SIN3A: variants seen among roughly 807,000 people sequenced by gnomAD.
SIN3A encodes paired amphipathic helix protein Sin3a.
A neutral mutation model predicts 146.1 loss-of-function variants in SIN3A; 14 were observed. That is an observed-to-expected ratio of 0.10 (90% CI 0.06 to 0.15). The LOEUF is 0.15. Among genes scored for constraint, SIN3A ranks in the 10% least tolerant of loss-of-function variants. The probability of loss-of-function intolerance (pLI) is 1.00; values close to 1 mark genes in which losing one functional copy is unlikely to be tolerated. For missense variants in SIN3A, 1,028 were observed against 1,576.0 expected, an observed-to-expected ratio of 0.65 and a Z score of 5.89; for synonymous variants, 572 against 572.0, an observed-to-expected ratio of 1.00 and a Z score of 0.00.
At chr15:75,393,058 C>T (rs1388254047) in intron 14 of SIN3A, among the ~76,000 whole-genome samples, 2 of 152,074 alleles carry the variant, frequency 1.3e-5, no homozygotes, top group African/African-American at 4.8e-5. Flanking sequence ...GGTGAAACCC[C>T]GCCTCTACTA....
At chr15:75,386,415 A>T (rs2073080711) in intron 16 of SIN3A, among the ~76,000 whole-genome samples, 1 of 152,208 alleles carries the variant, frequency 6.6e-6, no homozygotes, top group Non-Finnish European at 1.5e-5. Flanking sequence ...AGTCTTCAGA[A>T]AAGACAGCAC....
intron 19 of SIN3A, 59 bp from the exon 20 acceptor site, chr15:75,375,931 C>T: frequency 6.5e-7 from 1 of 1,547,562 alleles, no homozygotes; most frequent in East Asian, 2.2e-5. Flanking sequence ...CCCGTGACTT[C>T]CCCAAAGTGA....
intron 12 of SIN3A, among the ~76,000 whole-genome samples, 154 bp downstream of exon 12, chr15:75,399,886 T>C (rs918616391): frequency 6.6e-6 from 1 of 152,244 alleles, no homozygotes; most frequent in Non-Finnish European, 1.5e-5. Flanking sequence ...ATTTGACCAA[T>C]GCATAAAGCA....
At chr15:75,423,586 G>A (rs561587555) in intron 2 of SIN3A, among the ~76,000 whole-genome samples, 1 of 152,270 alleles carries the variant, frequency 6.6e-6, no homozygotes, top group East Asian at 1.9e-4. Context: ...GCTGAGGCAG[G>A]AGAATAGCGT....
In SIN3A at chr15:75,430,396, T is replaced by C. The variant is rs760417747; in HGVS notation, c.-21A>G. 2.5e-6 allele frequency: 4 copies of C among 1,590,320 alleles called. No individual in the cohort carries two copies. The highest frequency in any genetic ancestry group is 3.4e-6 in the Non-Finnish European group (4 of 1,168,322). ...TTCATTCTGTGCTCATGCTCAGGGA[T>C]GCACTACAAAACCTGCAGAAACCAA... On this transcript the variant is annotated 5_prime_UTR_variant, in exon 2 of 21. Transcript: ENST00000394947.
At chr15:75,440,154 A>G (rs1297268604) in intron 1 of SIN3A, among the ~76,000 whole-genome samples, 1 of 151,898 alleles carries the variant, frequency 6.6e-6, no homozygotes, top group Non-Finnish European at 1.5e-5. Flanking sequence ...CCCTCTCAAA[A>G]ATAAATAAAT....
intron 12 of SIN3A, among the ~76,000 whole-genome samples, chr15:75,397,871 G>GT (rs1412357159): frequency 1.3e-5 from 2 of 152,146 alleles, no homozygotes; most frequent in Admixed American, 6.5e-5. Context: ...CTTACTAAAC[G>GT]TAAGTAACAA....
chr15:75,402,940 A>G (rs958076811), intron 9 of SIN3A, among the ~76,000 whole-genome samples: 2 of 152,054 alleles, frequency 1.3e-5, no homozygotes, highest in African/African-American at 4.8e-5. Context: ...CCCAGCCACA[A>G]AAAGGAGTCA....
At chr15:75,407,309 C>T (rs999956267) in intron 8 of SIN3A, among the ~76,000 whole-genome samples, 165 bp from the exon 9 acceptor site, 1 of 152,210 alleles carries the variant, frequency 6.6e-6, no homozygotes, top group Non-Finnish European at 1.5e-5. Context: ...AAGATTTCAA[C>T]TCATATTTTC....
chr15:75,407,701 G>A (rs2073540375), intron 8 of SIN3A, among the ~76,000 whole-genome samples: 1 of 151,740 alleles, frequency 6.6e-6, no homozygotes, highest in Admixed American at 6.6e-5. Context: ...GACCATCCTG[G>A]CCAACATGGT....
chr15:75,407,265 G>A (rs1222153151), intron 8 of SIN3A, 121 bp from the exon 9 acceptor site: 5 of 635,788 alleles, frequency 7.9e-6, no homozygotes, highest in Non-Finnish European at 1.4e-5. Flanking sequence ...TGAAACAAAT[G>A]AGAGAACTCT....
At chr15:75,446,696 T>C (rs750746880) in intron 1 of SIN3A, among the ~76,000 whole-genome samples, 3 of 152,034 alleles carry the variant, frequency 2.0e-5, no homozygotes, top group Non-Finnish European at 4.4e-5. Context: ...CTTGTTATGA[T>C]GCCCAAGCTG....
rs1313555206 is a variant in SIN3A, at chr15:75,387,008, T to C, written c.3022-2571A>G. On this transcript the variant is annotated intron_variant, in intron 16 of 20. Coordinates refer to ENST00000394947, the MANE Select transcript of SIN3A (RefSeq NM_001145358.2). ...TTTTAATACAAATAGTGTTTCCCCA[T>C]GTTGCCCAGGCTGGTCTCCAACTCC... is the stretch of plus-strand genomic sequence containing the variant. Among the ~76,000 whole-genome samples, 5 of 152,148 alleles carry C rather than the reference T, an allele frequency of 3.3e-5. No individual in the cohort carries two copies. The South Asian group carries it at 8.3e-4, about 25-fold the overall frequency.
chr15:75,373,777 A>G lies in SIN3A; in HGVS notation c.3592-1568T>C, dbSNP rs528145218. ...ATTAAAAAAAAAAAAAAGAAAGAAA[A>G]AAAGAATGCAGTATATATAATACAT... On this transcript the variant is annotated intron_variant, in intron 20 of 20. Coordinates refer to ENST00000394947, the MANE Select transcript of SIN3A (RefSeq NM_001145358.2). Among the ~76,000 whole-genome samples the G allele has an allele frequency of 1.5e-3, 235 of 152,028 alleles. 1 individual carries two copies. Among genetic ancestry groups the G allele is most frequent in the Non-Finnish European group, 2.6e-3 (180 of 67,970 alleles).
chr15:75,401,377 C>T (rs1257953771), intron 10 of SIN3A, among the ~76,000 whole-genome samples: 1 of 151,808 alleles, frequency 6.6e-6, no homozygotes, highest in Non-Finnish European at 1.5e-5. Flanking sequence ...AAAAACATAA[C>T]AAAAATTAGC....
At chr15:75,446,185 A>C (rs1486895594) in intron 1 of SIN3A, 1 of 152,028 alleles carries the variant, frequency 6.6e-6, no homozygotes, top group Non-Finnish European at 1.5e-5. Flanking sequence ...ACAAAAGGCA[A>C]GGAAGAGTTT....
intron 2 of SIN3A, among the ~76,000 whole-genome samples, chr15:75,429,720 C>G (rs2141569149): frequency 6.6e-6 from 1 of 152,252 alleles, no homozygotes; most frequent in East Asian, 1.9e-4. Flanking sequence ...AATAGTCCAA[C>G]AGTAGAATTG....
rs2073529666 is a variant in SIN3A, at chr15:75,407,067, T to C, written c.1395A>G (p.Leu465=). 6.2e-7 allele frequency: 1 copy of C among 1,609,620 alleles called. No homozygotes were observed. The highest frequency in any genetic ancestry group is 8.5e-7 in the Non-Finnish European group (1 of 1,176,982). ...ATCCATTACTCACCTTATCAAAAAA[T>C]AACGATTCTGTTCCACCACCATGTT... ...ASKHGGGTES[L]FFDKVRKALR... Residue 465 remains leucine, a synonymous_variant, in exon 9 of 21, where the codon TTA becomes TTG. Coordinates refer to ENST00000394947, the MANE Select transcript of SIN3A (RefSeq NM_001145358.2).
chr15:75,433,291 T>C (rs2074046665), intron 1 of SIN3A, among the ~76,000 whole-genome samples: 1 of 152,168 alleles, frequency 6.6e-6, no homozygotes, highest in African/African-American at 2.4e-5. Flanking sequence ...TCAGCCTACA[T>C]TAGTGATTTC....
Sources: allele counts gnomAD v4.1 joint callset (sites outside exome capture counted in the v4.1 genomes callset), GRCh38; gene constraint gnomAD v4.1.1; transcripts MANE v1.5; gene names NCBI Gene and HGNC (gene_info 2026-07-23, HGNC 2026-07-21).